The following IQGAP2 variants were observed in gnomAD, a reference collection of about 807,000 sequenced individuals.
IQGAP2 encodes the protein IQ motif containing GTPase activating protein 2.
A neutral mutation model predicts 201.3 loss-of-function variants in IQGAP2; 173 were observed. That is an observed-to-expected ratio of 0.86 (90% CI 0.76 to 0.98). IQGAP2 has a LOEUF of 0.98. Ranked by LOEUF, IQGAP2 falls within the 50% of genes least tolerant of loss-of-function variation. The probability of loss-of-function intolerance (pLI) is 0.00; values close to 1 mark genes in which losing one functional copy is unlikely to be tolerated. For missense variants in IQGAP2, 1,687 were observed against 1,864.8 expected (o/e 0.90, Z 1.76); for synonymous variants, 675 against 673.9 (o/e 1.00, Z -0.03).
intron 31 of IQGAP2, chr5:76,693,733 C>A: frequency 4.1e-5 from 9 of 217,392 alleles, no homozygotes; most frequent in Non-Finnish European, 5.5e-5. Context: ...TCATAATGGG[C>A]AAATAAGTCA....
intron 14 of IQGAP2, among the ~76,000 whole-genome samples, chr5:76,629,777 G>A (rs1240848243): frequency 6.6e-6 from 1 of 152,110 alleles, no homozygotes; most frequent in Non-Finnish European, 1.5e-5. Context: ...GAGCCTGCTG[G>A]TATATGGCTT....
At chr5:76,663,226 A>C (rs556355036) in intron 21 of IQGAP2, among the ~76,000 whole-genome samples, 1 of 152,336 alleles carries the variant, frequency 6.6e-6, no homozygotes, top group South Asian at 2.1e-4. Context: ...GGAAGTGGCC[A>C]GGGTGATAGA....
intron 2 of IQGAP2, among the ~76,000 whole-genome samples, chr5:76,512,385 A>T (rs1030546862): frequency 6.6e-6 from 1 of 152,200 alleles, no homozygotes; most frequent in Non-Finnish European, 1.5e-5. Context: ...CGAGTTCATG[A>T]TCCTTCTCTG....
At chr5:76,660,337 T>C (rs1743142199) in intron 21 of IQGAP2, 1 of 152,262 alleles carries the variant, frequency 6.6e-6, no homozygotes, top group South Asian at 2.1e-4. Context: ...TACATTTAAC[T>C]CTACTTTTAT....
At chr5:76,597,387 A>G in intron 9 of IQGAP2, 52 bp from the exon 10 acceptor site, 1 of 1,581,726 alleles carries the variant, frequency 6.3e-7, no homozygotes, top group South Asian at 1.1e-5. Flanking sequence ...GTTGGGTGAG[A>G]CTGCAGTGGA....
chr5:76,547,516 C>A, intron 2 of IQGAP2: 1 of 612,246 alleles, frequency 1.6e-6, no homozygotes, highest in African/African-American at 2.0e-5. Context: ...GGGGCAAAGA[C>A]GTGTTAAAAG....
intron 5 of IQGAP2, among the ~76,000 whole-genome samples, chr5:76,579,061 T>C (rs60881227): frequency 0.069 from 10,524 of 151,778 alleles, 775 homozygotes; most frequent in East Asian, 0.43. Flanking sequence ...CTTGAAAGAG[T>C]TGGAATAATT....
At chr5:76,450,169 T>G (rs80181960) in intron 1 of IQGAP2, among the ~76,000 whole-genome samples, 2,919 of 152,296 alleles carry the variant, frequency 0.019, 100 homozygotes, top group African/African-American at 0.065. Flanking sequence ...ATGAGAGAGC[T>G]GTTCTCTGTG....
intron 16 of IQGAP2, 44 bp from the exon 17 acceptor site, chr5:76,640,889 C>CACACAT (rs1751519800): frequency 7.2e-7 from 1 of 1,391,976 alleles, no homozygotes; most frequent in South Asian, 1.4e-5. Context: ...GTGTGCCTTT[C>CACACAT]AGCTGATGTG....
chr5:76,563,115 A>G (rs575603427), intron 3 of IQGAP2, among the ~76,000 whole-genome samples: 2 of 152,282 alleles, frequency 1.3e-5, no homozygotes, highest in South Asian at 2.1e-4. Flanking sequence ...CCATAATCCC[A>G]ACACTTTTGG....
At chr5:76,482,492 A>G (rs1183550504) in intron 2 of IQGAP2, among the ~76,000 whole-genome samples, 2 of 152,206 alleles carry the variant, frequency 1.3e-5, no homozygotes, top group East Asian at 3.8e-4. Context: ...ACCTAATTTC[A>G]TAAGGGTGGT....
intron 28 of IQGAP2, among the ~76,000 whole-genome samples, chr5:76,682,549 C>T (rs1193802705): frequency 6.6e-6 from 1 of 151,842 alleles, no homozygotes; most frequent in South Asian, 2.1e-4. Context: ...TCCTGTAAGA[C>T]CTGGCAAGAC....
chr5:76,440,601 C>T (rs1752970683), intron 1 of IQGAP2, among the ~76,000 whole-genome samples: 1 of 152,158 alleles, frequency 6.6e-6, no homozygotes, highest in African/African-American at 2.4e-5. Context: ...TGTCTCACCT[C>T]AGTGCATCCT....
chr5:76,667,918 G>T (rs1354238267), intron 22 of IQGAP2, among the ~76,000 whole-genome samples: 1 of 125,758 alleles, frequency 8.0e-6, no homozygotes, highest in Non-Finnish European at 1.6e-5. Flanking sequence ...AGTCTGTGTT[G>T]TCTAGGCTGG....
intron 1 of IQGAP2, among the ~76,000 whole-genome samples, chr5:76,432,833 T>G (rs540449842): frequency 1.3e-5 from 2 of 152,320 alleles, no homozygotes; most frequent in African/African-American, 4.8e-5. Flanking sequence ...TGTTTGCCCT[T>G]TCTGATCCAC....
intron 5 of IQGAP2, among the ~76,000 whole-genome samples, chr5:76,588,353 A>G (rs1482964993): frequency 6.6e-6 from 1 of 152,228 alleles, no homozygotes; most frequent in African/African-American, 2.4e-5. Context: ...TTTTAAATAC[A>G]TCCAATTTAT....
intron 2 of IQGAP2, among the ~76,000 whole-genome samples, chr5:76,482,626 TACCCAGGCAA>T (rs1755855419): frequency 6.6e-6 from 1 of 152,240 alleles, no homozygotes. Context: ...GTTCTCTTTC[TACCCAGGCAA>T]ACACTGTCCA....
At chr5:76,642,086 T>C (rs1239403553) in intron 17 of IQGAP2, among the ~76,000 whole-genome samples, 1 of 152,206 alleles carries the variant, frequency 6.6e-6, no homozygotes, top group African/African-American at 2.4e-5. Flanking sequence ...AAAGGATTTT[T>C]CTAGGTGGGC....
intron 1 of IQGAP2, among the ~76,000 whole-genome samples, chr5:76,422,765 G>A (rs868099867): frequency 6.6e-6 from 1 of 152,226 alleles, no homozygotes; most frequent in Non-Finnish European, 1.5e-5. Context: ...AGTGGGGACC[G>A]GCTTCTACAC....
Sources: allele counts gnomAD v4.1 joint callset (sites outside exome capture counted in the v4.1 genomes callset), GRCh38; gene constraint gnomAD v4.1.1; transcripts MANE v1.5; gene names NCBI Gene and HGNC (gene_info 2026-07-23, HGNC 2026-07-21).